Variants in MEF2B observed in about 807,000 individuals in gnomAD.
The protein encoded by MEF2B is myocyte-specific enhancer factor 2B.
Under a neutral mutation model 32.2 loss-of-function variants are expected in MEF2B, and 15 were observed. The observed-to-expected ratio is 0.47, with a 90% CI of 0.31 to 0.72. The LOEUF (loss-of-function observed/expected upper bound fraction) is 0.72, where lower values mean the gene tolerates loss of function less well. MEF2B is among the 30% of genes least tolerant of loss of function. The probability of loss-of-function intolerance (pLI) is 0.05; values close to 1 mark genes in which losing one functional copy is unlikely to be tolerated. For missense variants in MEF2B, 441 were observed against 511.5 expected, an observed-to-expected ratio of 0.86 and a Z score of 1.33; for synonymous variants, 205 against 225.6, an observed-to-expected ratio of 0.91 and a Z score of 0.82.
chr19:19,147,456 TTTGATGAATCAA>T (rs1311372501), intron 4 of MEF2B, among the ~76,000 whole-genome samples: 2 of 68,726 alleles, frequency 2.9e-5, no homozygotes, highest in Non-Finnish European at 6.6e-5. Context: ...GCACAGAGTG[TTTGATGAATCAA>T]AGATGAAATG....
Position 19,154,803 on chromosome 19 carries a change from A to G in MEF2B, c.-29-4039T>C, listed in dbSNP as rs538478097. Among the ~76,000 whole-genome samples the G allele has an allele frequency of 2.6e-5, 4 of 152,320 alleles. No individual in the cohort carries two copies. The East Asian group carries it at 7.7e-4, about 29-fold the overall frequency. On this transcript the variant is annotated intron_variant, in intron 1 of 8. Coordinates refer to ENST00000424583, the MANE Select transcript of MEF2B (RefSeq NM_001145785.2). ...TTTTAAGACTCAGCTCATGGCTTCCATGGGGAGCAGGTCTGTTGGAGGCCA... is the reference window on the plus strand; with the variant it reads ...TTTTAAGACTCAGCTCATGGCTTCCGTGGGGAGCAGGTCTGTTGGAGGCCA...
chr19:19,168,619 G>A (rs1341082028), intron 1 of MEF2B, among the ~76,000 whole-genome samples: 1 of 150,988 alleles, frequency 6.6e-6, no homozygotes, highest in African/African-American at 2.4e-5. Flanking sequence ...TTAGAGACAG[G>A]ATCTTGCTCT....
chr19:19,150,523 CAAAAA>C (rs67741867), intron 2 of MEF2B, among the ~76,000 whole-genome samples, 154 bp downstream of exon 2: 3 of 103,402 alleles, frequency 2.9e-5, no homozygotes, highest in Non-Finnish European at 4.0e-5. Flanking sequence ...GACTTCATCT[CAAAAA>C]AAAAAAAAAA....
intron 2 of MEF2B, 132 bp from the exon 3 acceptor site, chr19:19,149,561 T>G (rs1599721154): frequency 1.6e-6 from 2 of 1,265,336 alleles, no homozygotes; most frequent in East Asian, 2.5e-5. Context: ...CTGGTAATTC[T>G]CATGTCACAA....
intron 1 of MEF2B, among the ~76,000 whole-genome samples, chr19:19,162,044 G>C (rs564943948): frequency 6.6e-6 from 1 of 152,248 alleles, no homozygotes; most frequent in East Asian, 1.9e-4. Flanking sequence ...CTGGCCTCAT[G>C]TGATCTGCCT....
intron 1 of MEF2B, 31 bp downstream of exon 1, chr19:19,170,174 C>A (rs1367999283): frequency 2.5e-6 from 1 of 398,486 alleles, no homozygotes; most frequent in East Asian, 3.6e-5. Flanking sequence ...CAGAGGACAC[C>A]ACAGGAGTCT....
intron 2 of MEF2B, 112 bp downstream of exon 2, chr19:19,150,570 C>T: frequency 1.4e-6 from 2 of 1,404,192 alleles, no homozygotes; most frequent in Non-Finnish European, 2.0e-6. Context: ...ATCAGGACTC[C>T]TCATGCCTCC....
At position 19,162,095 on chromosome 19, in the gene MEF2B, C is replaced by G. The variant is rs150267808; in HGVS notation, c.-30+8110G>C. Among the ~76,000 whole-genome samples, 800 of 151,886 alleles carry G rather than the reference C, an allele frequency of 5.3e-3. 9 individuals carry two copies. Among genetic ancestry groups the G allele is most frequent in the African/African-American group, 0.018 (756 of 41,430 alleles). On this transcript the variant is annotated intron_variant, in intron 1 of 8. Transcript: ENST00000424583. Reference sequence around the variant, plus strand: ...AGTGCTGGGATTACAGGCCACCATACCTGGCTGGGTTTCCTCTTTTTAATT... The same window carrying G: ...AGTGCTGGGATTACAGGCCACCATAGCTGGCTGGGTTTCCTCTTTTTAATT...
chr19:19,146,140 G>A (rs1206307827), intron 8 of MEF2B, 118 bp from the exon 9 acceptor site: 1 of 964,946 alleles, frequency 1.0e-6, no homozygotes, highest in African/African-American at 1.7e-5. Context: ...AGGGGGTGGC[G>A]GTCCCTCTTG....
At chr19:19,146,503 G>C (rs2146350071) in intron 7 of MEF2B, 52 bp downstream of exon 7, 6 of 1,470,832 alleles carry the variant, frequency 4.1e-6, no homozygotes, top group Non-Finnish European at 5.4e-6. Context: ...ACCCCCAGAG[G>C]GCAGGAGTGC....
Position 19,152,854 on chromosome 19 carries a change from C to T in MEF2B, c.-29-2090G>A, listed in dbSNP as rs529142476. Among the ~76,000 whole-genome samples, 6 of 152,288 alleles carry T rather than the reference C, an allele frequency of 3.9e-5. No individual in the cohort carries two copies. The East Asian group carries it at 1.2e-3, about 29-fold the overall frequency. On this transcript the variant is annotated intron_variant, in intron 1 of 8. Coordinates refer to ENST00000424583, the MANE Select transcript of MEF2B (RefSeq NM_001145785.2). Reference sequence around the variant, plus strand: ...TGGCAGATATGGCATGCTGTGTGACCCCAGGCACACCCTCTGCCCTCTCTG... The same window carrying T: ...TGGCAGATATGGCATGCTGTGTGACTCCAGGCACACCCTCTGCCCTCTCTG...
In MEF2B at chr19:19,145,811, C is replaced by G; in HGVS notation, c.1093G>C (p.Gly365Arg). The G allele has an allele frequency of 6.5e-7, 1 of 1,536,838 alleles. No individual in the cohort carries two copies. Among genetic ancestry groups the G allele is most frequent in the Non-Finnish European group, 8.8e-7 (1 of 1,139,048 alleles). ...PALRRLPLAD[G>R]WPR ...CGGGTGATCTCCTACCGGGGCCAGC[C>G]GTCGGCCAAGGGCAGCCGGCGCAGG... The change falls in exon 9 of 9, where the codon GGC becomes CGC. Residue 365 changes from glycine (G) to arginine (R), a missense_variant. By Grantham distance (125) the Gly-to-Arg change is moderately radical. Transcript: ENST00000424583. This position sits in a 1 kb window ranked among gnomAD's most constrained non-coding sequence, Gnocchi z 4.6.
Position 19,146,828 on chromosome 19 carries a change from G to C in MEF2B, c.589C>G (p.Pro197Ala). 2 of 1,613,824 alleles carry C rather than the reference G, an allele frequency of 1.2e-6. No individual in the cohort carries two copies. The highest frequency in any genetic ancestry group is 1.7e-6 in the Non-Finnish European group (2 of 1,179,918). ...FSPSHLTSKT[P>A]PPLYLPTEGR... ...TCCGTCGGCAGGTACAGTGGGGGTGGTGTCTTGCTGGTGAGGTGGCTTGGT... is the reference window on the plus strand; with the variant it reads ...TCCGTCGGCAGGTACAGTGGGGGTGCTGTCTTGCTGGTGAGGTGGCTTGGT... Residue 197 changes from proline (P) to alanine (A), a missense_variant, in exon 6 of 9, where the codon CCA (proline) becomes GCA (alanine). Pro to Ala is a conservative substitution (Grantham distance 27). This residue lies in a region of MEF2B where 326 missense variants were observed against 328.4 expected (regional missense o/e 0.99). Transcript: ENST00000424583.
chr19:19,146,261 C>T lies in MEF2B; in HGVS notation c.881+12G>A, dbSNP rs752557132. 2.2e-4 allele frequency: 279 copies of T among 1,259,582 alleles called. No homozygotes were observed. Among genetic ancestry groups the T allele is most frequent in the Non-Finnish European group, 2.4e-4 (234 of 969,100 alleles). 78.0% of individuals were successfully genotyped at this position (1,259,582 alleles called of 1,614,324 possible). ...GGAGGACTGGGACTTGCCGTCGTCT[C>T]AGGGCACTTACCTGGGCTGGGAGGA... is the stretch of plus-strand genomic sequence containing the variant. On this transcript the variant is annotated intron_variant, in intron 8 of 8. Coordinates refer to ENST00000424583, the MANE Select transcript of MEF2B (RefSeq NM_001145785.2).
chr19:19,155,552 C>T (rs551969313), intron 1 of MEF2B, among the ~76,000 whole-genome samples: 1 of 152,322 alleles, frequency 6.6e-6, no homozygotes, highest in East Asian at 1.9e-4. Context: ...CTACAGCTTC[C>T]CTCAACAACT....
chr19:19,147,233 G>C, intron 4 of MEF2B, 50 bp from the exon 5 acceptor site: 1 of 694,804 alleles, frequency 1.4e-6, no homozygotes, highest in Non-Finnish European at 1.9e-6. Context: ...AGATGGGGGT[G>C]CCAAGTCCAA....
chr19:19,163,715 A>G (rs2060185236), intron 1 of MEF2B, among the ~76,000 whole-genome samples: 1 of 152,090 alleles, frequency 6.6e-6, no homozygotes, highest in Non-Finnish European at 1.5e-5. Flanking sequence ...GTGTAATGGC[A>G]CAATCTGGGC....
At chr19:19,149,095 G>A in intron 3 of MEF2B, 131 bp downstream of exon 3, 1 of 1,199,964 alleles carries the variant, frequency 8.3e-7, no homozygotes, top group Non-Finnish European at 1.2e-6. Context: ...TCTAGGGACA[G>A]CAGAAATAAA....
At chr19:19,161,469 AC>A (rs1476942954) in intron 1 of MEF2B, among the ~76,000 whole-genome samples, 1 of 151,520 alleles carries the variant, frequency 6.6e-6, no homozygotes, top group African/African-American at 2.4e-5. Flanking sequence ...GATACGCCAA[AC>A]CCCCCAACCC....
Sources: allele counts gnomAD v4.1 joint callset (sites outside exome capture counted in the v4.1 genomes callset), GRCh38; gene constraint gnomAD v4.1.1; regional missense constraint gnomAD v4.1.1; non-coding constraint Gnocchi (gnomAD v3.1); transcripts MANE v1.5; gene names NCBI Gene and HGNC (gene_info 2026-07-23, HGNC 2026-07-21).